The following ACTR3B variants were observed in gnomAD, a reference collection of about 807,000 sequenced individuals.
ACTR3B encodes the protein actin related protein 3B, also known as actin-related protein 3B.
Under a neutral mutation model 59.0 loss-of-function variants are expected in ACTR3B, and 8 were observed. The observed-to-expected ratio is 0.14, with a 90% CI of 0.08 to 0.24. The LOEUF (loss-of-function observed/expected upper bound fraction) is 0.24, where lower values mean the gene tolerates loss of function less well. Ranked by LOEUF, ACTR3B falls within the 10% of genes least tolerant of loss-of-function variation. The pLI is 1.00. For missense variants in ACTR3B, 245 were observed against 552.3 expected (o/e 0.44, Z 5.58); for synonymous variants, 148 against 197.9 (o/e 0.75, Z 2.12).
Position 152,759,946 on chromosome 7 carries a change from C to G in ACTR3B, c.44+20C>G. 7.4e-7 allele frequency: 1 copy of G among 1,355,542 alleles called. No homozygotes were observed. The highest frequency in any genetic ancestry group is 2.9e-5 in the Admixed American group (1 of 34,002). The allele number at this position is 1,355,542 out of a possible 1,614,324, so 84.0% of individuals were successfully genotyped here. On this transcript the variant is annotated intron_variant, in intron 1 of 11. Transcript: ENST00000256001. ...CACCGGGTAAGAGCAGCTCGGCGCC[C>G]ACCCCCGCTCCTCCGCGGCCCCGCT...
chr7:152,803,987 A>G (rs1000922389), intron 4 of ACTR3B, among the ~76,000 whole-genome samples: 2 of 152,226 alleles, frequency 1.3e-5, no homozygotes, highest in African/African-American at 4.8e-5. Context: ...AGACCAAGCC[A>G]TCAAAGTGAA....
At chr7:152,806,319 C>T (rs754907534) in intron 4 of ACTR3B, among the ~76,000 whole-genome samples, 16 of 152,112 alleles carry the variant, frequency 1.1e-4, no homozygotes, top group African/African-American at 1.9e-4. Flanking sequence ...GCCTGAATAA[C>T]GTCGATTTTG....
intron 2 of ACTR3B, among the ~76,000 whole-genome samples, chr7:152,793,022 A>ATT (rs529256740): frequency 3.0e-4 from 31 of 104,770 alleles, no homozygotes; most frequent in South Asian, 2.7e-3. Flanking sequence ...TAGAAGCTGA[A>ATT]TTTTTTTTTT....
At chr7:152,838,627 C>G (rs1276033205) in intron 9 of ACTR3B, among the ~76,000 whole-genome samples, 1 of 151,936 alleles carries the variant, frequency 6.6e-6, no homozygotes, top group Non-Finnish European at 1.5e-5. Context: ...CACGTGTATA[C>G]CTGTGTAACA....
At position 152,851,626 on chromosome 7, in the gene ACTR3B, C is replaced by G. The variant is rs1303576998; in HGVS notation, c.952-500C>G. ...GGGGTGGCCACCGAGCGAGTCTTGGCCCTGGAGGGCAGTGCTGGCTGGGTG... is the reference window on the plus strand; with the variant it reads ...GGGGTGGCCACCGAGCGAGTCTTGGGCCTGGAGGGCAGTGCTGGCTGGGTG... On this transcript the variant is annotated intron_variant, in intron 9 of 11. Coordinates refer to ENST00000256001, the MANE Select transcript of ACTR3B (RefSeq NM_020445.6). 2.0e-5 allele frequency among the ~76,000 whole-genome samples: 3 copies of G among 152,218 alleles called. No homozygotes were observed. In the East Asian group the frequency reaches 5.8e-4, roughly 29 times the overall value.
rs1180048196 is a variant in ACTR3B, at chr7:152,800,661, T to G, written c.225+6T>G. On this transcript the variant is annotated splice_donor_region_variant and intron_variant, in intron 3 of 11. Coordinates refer to ENST00000256001, the MANE Select transcript of ACTR3B (RefSeq NM_020445.6). Reference sequence around the variant, plus strand: ...AACCTACATATGCTACAAAGGTAAATTTCCGACAGGTGTTTGCTTCTCTAA... The same window carrying G: ...AACCTACATATGCTACAAAGGTAAAGTTCCGACAGGTGTTTGCTTCTCTAA... The G allele has an allele frequency of 1.9e-6, 3 of 1,613,192 alleles. No homozygotes were observed. The highest frequency in any genetic ancestry group is 2.2e-5 in the East Asian group (1 of 44,848).
chr7:152,788,251 C>T (rs138890649), intron 2 of ACTR3B, among the ~76,000 whole-genome samples: 133 of 151,512 alleles, frequency 8.8e-4, no homozygotes, highest in East Asian at 4.7e-3. Flanking sequence ...CCACTGTGCC[C>T]GGCCTTGATT....
chr7:152,831,265 C>T (rs923978328), intron 9 of ACTR3B, among the ~76,000 whole-genome samples: 6 of 152,212 alleles, frequency 3.9e-5, no homozygotes, highest in Non-Finnish European at 8.8e-5. Context: ...ATGTGGATGG[C>T]GGAGCTCTGC....
In ACTR3B at chr7:152,783,926, T is replaced by C. The variant is rs112956880; in HGVS notation, c.100+684T>C. Reference sequence around the variant, plus strand: ...CCAACATGTTGGAACCCCGTCTCTATCAAAAATACAAAAATTAGTTGGGTG... The same window carrying C: ...CCAACATGTTGGAACCCCGTCTCTACCAAAAATACAAAAATTAGTTGGGTG... On this transcript the variant is annotated intron_variant, in intron 2 of 11. Coordinates refer to ENST00000256001, the MANE Select transcript of ACTR3B (RefSeq NM_020445.6). Among the ~76,000 whole-genome samples, 393 of 151,940 alleles carry C rather than the reference T, an allele frequency of 2.6e-3. 2 individuals carry two copies. The highest frequency in any genetic ancestry group is 8.8e-3 in the African/African-American group (365 of 41,454).
intron 9 of ACTR3B, among the ~76,000 whole-genome samples, chr7:152,842,655 G>C (rs1205107473): frequency 6.6e-6 from 1 of 152,194 alleles, no homozygotes; most frequent in Admixed American, 6.5e-5. Context: ...CTCAGCGAGC[G>C]GCTGTGCCAC....
chr7:152,852,273 G>T (rs202105401), intron 10 of ACTR3B, 22 bp downstream of exon 10: 3 of 1,600,570 alleles, frequency 1.9e-6, no homozygotes, highest in Non-Finnish European at 2.5e-6. Flanking sequence ...AGGCCTCCAC[G>T]CAGTGCCTGG....
At position 152,833,261 on chromosome 7, in the gene ACTR3B, G is replaced by A. The variant is rs60458459; in HGVS notation, c.951+8139G>A. ...TTGTTATGTCCCTTCCCATCAGGCG[G>A]CCGTTGAGGGCTGGACCTGGAGATT... is the stretch of plus-strand genomic sequence containing the variant. On this transcript the variant is annotated intron_variant, in intron 9 of 11. Transcript: ENST00000256001. 5.7e-3 allele frequency among the ~76,000 whole-genome samples: 872 copies of A among 152,248 alleles called. 11 individuals are homozygous for A. Among genetic ancestry groups the A allele is most frequent in the African/African-American group, 0.02 (818 of 41,568 alleles).
At chr7:152,851,132 C>G (rs1470808138) in intron 9 of ACTR3B, among the ~76,000 whole-genome samples, 1 of 152,144 alleles carries the variant, frequency 6.6e-6, no homozygotes, top group Non-Finnish European at 1.5e-5. Context: ...ACATACATAC[C>G]TATGATAAAG....
intron 1 of ACTR3B, among the ~76,000 whole-genome samples, chr7:152,780,718 G>A (rs913282219): frequency 7.9e-5 from 12 of 151,306 alleles, no homozygotes; most frequent in Non-Finnish European, 1.6e-4. Flanking sequence ...TTTACCATTT[G>A]TTTCATACAT....
chr7:152,839,290 G>A (rs1311748649), intron 9 of ACTR3B, among the ~76,000 whole-genome samples: 1 of 142,868 alleles, frequency 7.0e-6, no homozygotes, highest in African/African-American at 2.9e-5. Flanking sequence ...TGTGTGTTGA[G>A]TGCGTGGATC....
chr7:152,797,503 A>G (rs1325629035), intron 2 of ACTR3B, among the ~76,000 whole-genome samples: 3 of 152,220 alleles, frequency 2.0e-5, no homozygotes, highest in African/African-American at 2.4e-5. Flanking sequence ...TAACAAATGC[A>G]TTACTTCATA....
intron 1 of ACTR3B, among the ~76,000 whole-genome samples, chr7:152,779,717 A>G (rs1463751758): frequency 6.6e-6 from 1 of 152,160 alleles, no homozygotes; most frequent in Non-Finnish European, 1.5e-5. Flanking sequence ...CTCCTGGGAA[A>G]GAATTTGAGG....
chr7:152,843,154 A>T (rs113621015), intron 9 of ACTR3B, among the ~76,000 whole-genome samples: 10,314 of 152,028 alleles, frequency 0.068, 474 homozygotes, highest in South Asian at 0.12. Flanking sequence ...GTCTTTTCAT[A>T]TTCTTGGTGG....
At chr7:152,777,691 A>G (rs1394237950) in intron 1 of ACTR3B, among the ~76,000 whole-genome samples, 3 of 152,210 alleles carry the variant, frequency 2.0e-5, no homozygotes, top group Non-Finnish European at 4.4e-5. Flanking sequence ...GCGGTGGCTC[A>G]CGCCTGCAAT....
Sources: gnomAD v4.1 joint callset for allele counts (sites outside exome capture counted in the v4.1 genomes callset) on GRCh38, gnomAD v4.1.1 for gene constraint, MANE v1.5 for transcripts, NCBI Gene and HGNC (gene_info 2026-07-23, HGNC 2026-07-21) for gene names.